NTM: variants seen among roughly 807,000 people sequenced by gnomAD.
NTM encodes the protein IgLON family member 2.
In NTM, 13 loss-of-function variants were observed where a neutral mutation model predicts 42.1. The ratio of observed to expected loss-of-function variants is 0.31; its 90% CI spans 0.20 to 0.49. The LOEUF is 0.49. NTM is among the 20% of genes least tolerant of loss of function. The probability of loss-of-function intolerance (pLI) is 0.99; values close to 1 mark genes in which losing one functional copy is unlikely to be tolerated. For synonymous variants in NTM, 187 were observed against 179.2 expected (o/e 1.04, Z -0.35); for missense variants, 373 against 452.8 (o/e 0.82, Z 1.60).
At chr11:131,772,172 G>A (rs2086209589) in intron 1 of NTM, among the ~76,000 whole-genome samples, 1 of 152,152 alleles carries the variant, frequency 6.6e-6, no homozygotes, top group African/African-American at 2.4e-5. Context: ...GATCTGAAGA[G>A]ACTGTGTATG....
intron 2 of NTM, among the ~76,000 whole-genome samples, chr11:132,132,569 C>T (rs542734952): frequency 2.6e-5 from 4 of 152,276 alleles, no homozygotes; most frequent in Admixed American, 6.5e-5. Context: ...AGGGAGGGAA[C>T]GATAGCATCC....
rs573640143 is a variant in NTM, at chr11:132,183,122, A to G, written c.401-28900A>G. ...ACCTGCTGGCACACCCTTGAACTTA[A>G]TGTTCCTATCTTACCCACTCCCATC... On this transcript the variant is annotated intron_variant, in intron 3 of 8. Transcript: ENST00000683400. 1.5e-4 allele frequency among the ~76,000 whole-genome samples: 23 copies of G among 152,266 alleles called. No homozygotes were observed. The South Asian group carries it at 3.5e-3, about 23-fold the overall frequency.
chr11:132,227,839 T>C (rs2086636267), intron 4 of NTM, among the ~76,000 whole-genome samples: 2 of 152,116 alleles, frequency 1.3e-5, no homozygotes, highest in Admixed American at 6.5e-5. Flanking sequence ...GGATTGATAG[T>C]TGTGGCACTT....
chr11:132,161,370 C>CTT (rs55732584), intron 3 of NTM, among the ~76,000 whole-genome samples: 20 of 64,072 alleles, frequency 3.1e-4, no homozygotes, highest in African/African-American at 9.8e-4. Context: ...TTTCGAGCAG[C>CTT]TTTTTTTTTT....
intron 1 of NTM, among the ~76,000 whole-genome samples, chr11:131,435,374 C>T (rs1241709816): frequency 6.6e-6 from 1 of 152,148 alleles, no homozygotes; most frequent in African/African-American, 2.4e-5. Context: ...TATAAATTAC[C>T]TTGGGCAGTA....
chr11:131,553,534 C>G (rs1282456062), intron 1 of NTM, among the ~76,000 whole-genome samples: 1 of 152,140 alleles, frequency 6.6e-6, no homozygotes, highest in African/African-American at 2.4e-5. Flanking sequence ...CTTCCTGCTC[C>G]CAGGTGTTCT....
At chr11:131,629,842 A>C (rs1440704093) in intron 1 of NTM, among the ~76,000 whole-genome samples, 1 of 152,214 alleles carries the variant, frequency 6.6e-6, no homozygotes. Context: ...GGAAACCTGG[A>C]AAGTAAACAC....
intron 1 of NTM, among the ~76,000 whole-genome samples, chr11:131,516,296 G>A (rs1436346873): frequency 9.9e-5 from 15 of 152,182 alleles, no homozygotes; most frequent in South Asian, 2.1e-4. Context: ...ATTCAGGGGC[G>A]TGTAGTACAT....
At chr11:132,097,199 C>A (rs927355324) in intron 2 of NTM, among the ~76,000 whole-genome samples, 2 of 152,174 alleles carry the variant, frequency 1.3e-5, no homozygotes, top group Non-Finnish European at 2.9e-5. Context: ...AGAAACAGCT[C>A]AGCTCTCTAG....
chr11:131,440,085 T>A (rs541389075), intron 1 of NTM, among the ~76,000 whole-genome samples: 7 of 152,178 alleles, frequency 4.6e-5, no homozygotes, highest in Middle Eastern at 3.4e-3. Flanking sequence ...TTTAAAAAGA[T>A]GTTTTATTAT....
At position 132,051,203 on chromosome 11, in the gene NTM, T is replaced by G. The variant is rs527491902; in HGVS notation, c.168-95079T>G. Among the ~76,000 whole-genome samples, 85 of 152,322 alleles carry G rather than the reference T, an allele frequency of 5.6e-4. 2 individuals carry two copies. In the South Asian group the frequency reaches 0.013, roughly 23 times the overall value. Reference sequence around the variant, plus strand: ...CCTACCTTTATTTATTTGTAACATATGACGATGATTTTTTTTTATGCCAGA... The same window carrying G: ...CCTACCTTTATTTATTTGTAACATAGGACGATGATTTTTTTTTATGCCAGA... On this transcript the variant is annotated intron_variant, in intron 2 of 8. Coordinates refer to ENST00000683400, the MANE Select transcript of NTM (RefSeq NM_001352005.2).
intron 2 of NTM, among the ~76,000 whole-genome samples, chr11:132,093,996 G>C (rs1024378161): frequency 1.3e-5 from 2 of 152,148 alleles, no homozygotes; most frequent in Non-Finnish European, 2.9e-5. Context: ...GGCAGAAAAA[G>C]GAAAGTGATG....
At chr11:132,175,124 G>A (rs2076616852) in intron 3 of NTM, among the ~76,000 whole-genome samples, 1 of 152,136 alleles carries the variant, frequency 6.6e-6, no homozygotes, top group African/African-American at 2.4e-5. Context: ...GCTCATACTA[G>A]AGAATGATTT....
At chr11:132,307,662 C>T (rs1431664045) in intron 4 of NTM, 27 bp from the exon 5 acceptor site, 2 of 1,612,352 alleles carry the variant, frequency 1.2e-6, no homozygotes, top group Non-Finnish European at 1.7e-6. Flanking sequence ...CCTTGTATTT[C>T]ACCACACGTT....
At chr11:131,752,046 C>CA (rs2082623681) in intron 1 of NTM, among the ~76,000 whole-genome samples, 1 of 152,098 alleles carries the variant, frequency 6.6e-6, no homozygotes, top group African/African-American at 2.4e-5. Flanking sequence ...AAATGCAAAC[C>CA]AAAACCACTA....
chr11:132,179,518 G>A (rs1035049638), intron 3 of NTM, among the ~76,000 whole-genome samples: 1 of 152,162 alleles, frequency 6.6e-6, no homozygotes, highest in African/African-American at 2.4e-5. Context: ...CAGTCCGGAA[G>A]GGCCTTGCCT....
chr11:132,166,680 A>T (rs2075326097), intron 3 of NTM, among the ~76,000 whole-genome samples: 1 of 152,338 alleles, frequency 6.6e-6, no homozygotes, highest in East Asian at 1.9e-4. Context: ...ACTAAGTGCA[A>T]GCCACTGTTC....
chr11:131,461,204 A>G (rs1469327319), intron 1 of NTM, among the ~76,000 whole-genome samples: 4 of 152,170 alleles, frequency 2.6e-5, no homozygotes, highest in Admixed American at 6.5e-5. Context: ...TTTATAGCCA[A>G]TCTTCTGACA....
chr11:132,060,439 G>T (rs1247044348), intron 2 of NTM, among the ~76,000 whole-genome samples: 1 of 128,332 alleles, frequency 7.8e-6, no homozygotes, highest in African/African-American at 2.5e-5. Context: ...ATGAACAGAG[G>T]TTGTATCCAC....
Sources: gnomAD v4.1 joint callset for allele counts (sites outside exome capture counted in the v4.1 genomes callset) on GRCh38, gnomAD v4.1.1 for gene constraint, MANE v1.5 for transcripts, NCBI Gene and HGNC (gene_info 2026-07-23, HGNC 2026-07-21) for gene names.